CFAP54: variants seen among roughly 807,000 people sequenced by gnomAD.
The protein encoded by CFAP54 is cilia and flagella associated protein 54.
A neutral mutation model predicts 370.4 loss-of-function variants in CFAP54; 290 were observed. The observed-to-expected ratio is 0.78, with a 90% CI of 0.71 to 0.86. The LOEUF is 0.86. Ranked by LOEUF, CFAP54 falls within the 40% of genes least tolerant of loss-of-function variation. The pLI, the probability that CFAP54 is intolerant of heterozygous loss-of-function variation, is 0.00. For missense variants in CFAP54, 3,399 were observed against 3,528.7 expected (o/e 0.96, Z 0.93); for synonymous variants, 1,206 against 1,236.5 (o/e 0.98, Z 0.52).
At chr12:96,545,638 C>T (rs575967424) in intron 14 of CFAP54, among the ~76,000 whole-genome samples, 2 of 152,340 alleles carry the variant, frequency 1.3e-5, no homozygotes, top group African/African-American at 4.8e-5. Context: ...TGGGATCCAT[C>T]TCTCAATACC....
intron 5 of CFAP54, among the ~76,000 whole-genome samples, chr12:96,515,623 A>G (rs964322543): frequency 1.3e-5 from 2 of 152,108 alleles, no homozygotes; most frequent in African/African-American, 4.8e-5. Context: ...TTCAGAGTTC[A>G]AGTATGTTAT....
rs546482675 is a variant in CFAP54 at position 96,845,608 on chromosome 12, G to A, written c.9172-15211G>A. ...CCCAGCCTCAAAATTCCCCCATGGG[G>A]TTGGCAGAGCCCTTTACTGTGACTG... is the stretch of plus-strand genomic sequence containing the variant. On this transcript the variant is annotated intron_variant, in intron 66 of 67. Transcript: ENST00000524981. 2.7e-3 allele frequency among the ~76,000 whole-genome samples: 404 copies of A among 152,320 alleles called. 2 individuals are homozygous for A. Among genetic ancestry groups the A allele is most frequent in the Non-Finnish European group, 4.3e-3 (295 of 68,016 alleles).
chr12:96,658,557 C>G (rs1956951522), intron 38 of CFAP54, among the ~76,000 whole-genome samples: 1 of 152,138 alleles, frequency 6.6e-6, no homozygotes, highest in African/African-American at 2.4e-5. Flanking sequence ...AAGTTCATAT[C>G]AGGCCAAGAC....
At chr12:96,695,530 A>G (rs1479444284) in intron 45 of CFAP54, among the ~76,000 whole-genome samples, 2 of 152,174 alleles carry the variant, frequency 1.3e-5, no homozygotes, top group African/African-American at 4.8e-5. Flanking sequence ...TTGCTTTTGA[A>G]TTCCAACACT....
At chr12:96,553,089 A>C (rs546699414) in intron 15 of CFAP54, among the ~76,000 whole-genome samples, 1 of 152,204 alleles carries the variant, frequency 6.6e-6, no homozygotes, top group African/African-American at 2.4e-5. Context: ...TGAGAATTGC[A>C]TGAAGCAAAA....
At chr12:96,649,530 A>G (rs1032778980) in intron 34 of CFAP54, among the ~76,000 whole-genome samples, 5 of 152,132 alleles carry the variant, frequency 3.3e-5, no homozygotes, top group Non-Finnish European at 7.4e-5. Context: ...ACTTTCTGAT[A>G]TATTGTCTTA....
At chr12:96,507,131 G>C (rs1258554311) in intron 4 of CFAP54, 32 bp downstream of exon 4, 92 of 1,429,370 alleles carry the variant, frequency 6.4e-5, no homozygotes, top group Non-Finnish European at 8.3e-5. Context: ...TTTCCATTGT[G>C]TCTTTCAGAA....
At position 96,538,528 on chromosome 12, in the gene CFAP54, T is replaced by C. The variant is rs1955533727; in HGVS notation, c.1926+10T>C. 3.9e-6 allele frequency: 6 copies of C among 1,533,796 alleles called. No individual in the cohort carries two copies. Among genetic ancestry groups the C allele is most frequent in the Non-Finnish European group, 4.4e-6 (5 of 1,145,516 alleles). The stretch of plus-strand genomic sequence containing the variant: ...AATCAGTACTAACAAAGTATTCCTT[T>C]CGCATTCCCTTTCACGTGTTTTTTT... On this transcript the variant is annotated intron_variant, in intron 13 of 67. Coordinates refer to ENST00000524981, the MANE Select transcript of CFAP54 (RefSeq NM_001306084.2).
chr12:96,513,277 T>C (rs183183401), intron 5 of CFAP54, among the ~76,000 whole-genome samples: 48 of 152,342 alleles, frequency 3.2e-4, no homozygotes, highest in Non-Finnish European at 5.0e-4. Flanking sequence ...CTGAAAATGT[T>C]AGTATTCTCT....
intron 27 of CFAP54, among the ~76,000 whole-genome samples, chr12:96,623,527 AG>A (rs1191831518): frequency 6.6e-6 from 1 of 152,158 alleles, no homozygotes; most frequent in African/African-American, 2.4e-5. Flanking sequence ...ACTGGGAGAA[AG>A]GGAGAGAGAA....
chr12:96,648,165 A>T (rs899109624), intron 34 of CFAP54, 148 bp downstream of exon 34: 60 of 530,004 alleles, frequency 1.1e-4, no homozygotes, highest in African/African-American at 1.1e-3. Context: ...GATATTTTGT[A>T]GGAGATTCTT....
chr12:96,580,892 A>G (rs1268613462), intron 21 of CFAP54, 28 bp from the exon 22 acceptor site: 13 of 1,383,596 alleles, frequency 9.4e-6, no homozygotes, highest in Admixed American at 5.7e-5. Flanking sequence ...TTTTTCATGT[A>G]TAACTTGAAA....
At chr12:96,520,870 GT>G (rs1955302439) in intron 6 of CFAP54, among the ~76,000 whole-genome samples, 2 of 152,324 alleles carry the variant, frequency 1.3e-5, no homozygotes, top group East Asian at 3.9e-4. Context: ...ATTCCATTTA[GT>G]TTTTCCTGCC....
chr12:96,671,877 G>A lies in CFAP54; in HGVS notation c.5564-7723G>A, dbSNP rs145314638. On this transcript the variant is annotated intron_variant, in intron 39 of 67. Transcript: ENST00000524981. ...GTGGAGGTTGCAGTGAGCCAAGATCGTGCCATTGCACTCCAGCCTGCATGA... is the reference window on the plus strand; with the variant it reads ...GTGGAGGTTGCAGTGAGCCAAGATCATGCCATTGCACTCCAGCCTGCATGA... 8.4e-3 allele frequency among the ~76,000 whole-genome samples: 1,271 copies of A among 151,948 alleles called. 56 individuals carry two copies. In the East Asian group the frequency reaches 0.096, roughly 11 times the overall value.
At chr12:96,774,495 G>T (rs1958495873) in intron 60 of CFAP54, among the ~76,000 whole-genome samples, 1 of 151,914 alleles carries the variant, frequency 6.6e-6, no homozygotes, top group African/African-American at 2.4e-5. Flanking sequence ...CGTTCTAATT[G>T]ATCTGTCCAT....
At chr12:96,602,527 C>A (rs747358452) in intron 26 of CFAP54, among the ~76,000 whole-genome samples, 10 of 152,082 alleles carry the variant, frequency 6.6e-5, no homozygotes, top group Non-Finnish European at 1.3e-4. Context: ...TTTTCTCTCT[C>A]ATTGATCAGT....
intron 12 of CFAP54, 75 bp downstream of exon 12, chr12:96,535,675 A>G: frequency 1.1e-6 from 1 of 923,722 alleles, no homozygotes; most frequent in African/African-American, 1.7e-5. Context: ...CCGAATTTAA[A>G]ATATCACAGG....
chr12:96,647,628 T>C (rs1246770991), intron 33 of CFAP54, among the ~76,000 whole-genome samples: 1 of 152,022 alleles, frequency 6.6e-6, no homozygotes, highest in Non-Finnish European at 1.5e-5. Flanking sequence ...GATATTTTTA[T>C]TCCCATTTTC....
chr12:96,583,067 G>A (rs922244785), intron 22 of CFAP54, among the ~76,000 whole-genome samples: 2 of 152,060 alleles, frequency 1.3e-5, no homozygotes, highest in African/African-American at 2.4e-5. Context: ...CTAAATGCCT[G>A]TGATTAACTT....
Sources: allele counts gnomAD v4.1 joint callset (sites outside exome capture counted in the v4.1 genomes callset), GRCh38; gene constraint gnomAD v4.1.1; transcripts MANE v1.5; gene names NCBI Gene and HGNC (gene_info 2026-07-23, HGNC 2026-07-21).